SAMD13: variants seen among roughly 807,000 people sequenced by gnomAD.
SAMD13 encodes the protein sterile alpha motif domain-containing protein 13.
Under a neutral mutation model 12.4 loss-of-function variants are expected in SAMD13, and 9 were observed. The observed-to-expected ratio is 0.72, with a 90% CI of 0.44 to 1.26. The LOEUF (loss-of-function observed/expected upper bound fraction) is 1.26, where lower values mean the gene tolerates loss of function less well. Among genes scored for constraint, SAMD13 ranks in the 50% most tolerant of loss-of-function variants. The pLI, the probability that SAMD13 is intolerant of heterozygous loss-of-function variation, is 0.00. For synonymous variants in SAMD13, 46 were observed against 45.4 expected (o/e 1.01, Z -0.05); for missense variants, 84 against 119.6 (o/e 0.70, Z 1.39).
At chr1:84,338,875 G>A (rs879741252) in intron 3 of SAMD13, among the ~76,000 whole-genome samples, 2 of 152,184 alleles carry the variant, frequency 1.3e-5, no homozygotes, top group Admixed American at 1.3e-4. Flanking sequence ...TTCAAGACGA[G>A]ATCTGGGTGG....
upstream of SAMD13, among the ~76,000 whole-genome samples, chr1:84,299,196 CTT>C (rs935668216): frequency 6.6e-6 from 1 of 152,144 alleles, no homozygotes; most frequent in Non-Finnish European, 1.5e-5. Flanking sequence ...CCGGCGGCTC[CTT>C]TGGGACCGCG....
At chr1:84,321,835 G>A (rs967194323) in intron 2 of SAMD13, among the ~76,000 whole-genome samples, 4 of 152,122 alleles carry the variant, frequency 2.6e-5, no homozygotes, top group Admixed American at 6.6e-5. Context: ...CGCTTGTTAT[G>A]TTATTTTGGA....
intron 2 of SAMD13, among the ~76,000 whole-genome samples, chr1:84,304,544 T>G (rs1678525204): frequency 6.6e-6 from 1 of 152,198 alleles, no homozygotes; most frequent in Admixed American, 6.5e-5. Flanking sequence ...AAATTGCATG[T>G]GTGTAAAGTA....
upstream of SAMD13, among the ~76,000 whole-genome samples, chr1:84,300,245 C>T (rs143487805): frequency 3.3e-5 from 5 of 152,288 alleles, no homozygotes; most frequent in African/African-American, 7.2e-5. Context: ...GACCCATGCT[C>T]AAAAAATACT....
At chr1:84,312,824 A>T (rs554483993) in intron 2 of SAMD13, among the ~76,000 whole-genome samples, 89 of 152,310 alleles carry the variant, frequency 5.8e-4, no homozygotes, top group African/African-American at 2.1e-3. Context: ...TCAAATGCTC[A>T]GTGGACACAT....
In SAMD13 at chr1:84,319,512, G is replaced by T. The variant is rs1192644887; in HGVS notation, c.54-6125G>T. ...TCAGGCATGGTGGCATGCTGTAGCT[G>T]TAGTCCCAGCTACTTGGGAGACTGA... On this transcript the variant is annotated intron_variant, in intron 2 of 3. Coordinates refer to ENST00000394834, the MANE Select transcript of SAMD13 (RefSeq NM_001134663.2). 2.6e-5 allele frequency among the ~76,000 whole-genome samples: 4 copies of T among 151,796 alleles called. No homozygotes were observed. In the East Asian group the frequency reaches 7.8e-4, roughly 29 times the overall value.
upstream of SAMD13, chr1:84,298,595 C>T (rs778417266): frequency 7.8e-7 from 1 of 1,282,866 alleles, no homozygotes; most frequent in African/African-American, 1.5e-5. Context: ...GCGCCCAGGG[C>T]GTGGGAAGGC....
intron 3 of SAMD13, among the ~76,000 whole-genome samples, chr1:84,334,174 A>G (rs1023623754): frequency 2.0e-5 from 3 of 152,016 alleles, no homozygotes; most frequent in Non-Finnish European, 2.9e-5. Context: ...CTGTAAATCC[A>G]TCTGGTCCTG....
At chr1:84,347,803 T>TGTC (rs746764312) in intron 3 of SAMD13, among the ~76,000 whole-genome samples, 16 of 152,330 alleles carry the variant, frequency 1.1e-4, no homozygotes, top group Admixed American at 2.0e-4. Context: ...CTCTCAGACA[T>TGTC]GCAGGTTTCA....
At chr1:84,324,867 T>C (rs1467515181) in intron 2 of SAMD13, among the ~76,000 whole-genome samples, 1 of 152,200 alleles carries the variant, frequency 6.6e-6, no homozygotes, top group Non-Finnish European at 1.5e-5. Context: ...AGACAAATGC[T>C]TGATTGTTAT....
intron 2 of SAMD13, among the ~76,000 whole-genome samples, chr1:84,308,142 A>C (rs77963812): frequency 0.01 from 1,549 of 152,294 alleles, 24 homozygotes; most frequent in Non-Finnish European, 0.018. Context: ...CTTGTGTACC[A>C]TTGCCTCATA....
chr1:84,330,364 T>G (rs1679153036), intron 3 of SAMD13, among the ~76,000 whole-genome samples: 1 of 152,198 alleles, frequency 6.6e-6, no homozygotes, highest in Non-Finnish European at 1.5e-5. Flanking sequence ...GAATAGATAT[T>G]TTGTTTTTAA....
At chr1:84,341,710 G>T (rs938619128) in intron 3 of SAMD13, among the ~76,000 whole-genome samples, 1 of 152,102 alleles carries the variant, frequency 6.6e-6, no homozygotes, top group Non-Finnish European at 1.5e-5. Context: ...AGAAAGTGGA[G>T]TTGACATAAA....
At chr1:84,312,840 T>C (rs1330985927) in intron 2 of SAMD13, among the ~76,000 whole-genome samples, 1 of 152,190 alleles carries the variant, frequency 6.6e-6, no homozygotes, top group African/African-American at 2.4e-5. Flanking sequence ...CACATGGTAC[T>C]AGCTGCTACC....
chr1:84,298,728 G>A (rs1678370001), upstream of SAMD13, among the ~76,000 whole-genome samples: 1 of 152,162 alleles, frequency 6.6e-6, no homozygotes, highest in Non-Finnish European at 1.5e-5. Flanking sequence ...TTGCACCCAC[G>A]GACGTGGGCT....
At chr1:84,324,705 G>A (rs1301124192) in intron 2 of SAMD13, among the ~76,000 whole-genome samples, 1 of 152,110 alleles carries the variant, frequency 6.6e-6, no homozygotes, top group East Asian at 1.9e-4. Flanking sequence ...AAATCATCTT[G>A]GATGAGGTAT....
At chr1:84,303,523 C>T in intron 2 of SAMD13, 1 of 360,604 alleles carries the variant, frequency 2.8e-6, no homozygotes, top group Non-Finnish European at 5.3e-6. Flanking sequence ...GTGTATCAGG[C>T]TTTGGAACAA....
At chr1:84,300,401 T>G (rs953192748), upstream of SAMD13, among the ~76,000 whole-genome samples, 4 of 152,156 alleles carry the variant, frequency 2.6e-5, no homozygotes, top group Non-Finnish European at 5.9e-5. Flanking sequence ...AAAGAACAAA[T>G]TTTTTGACCT....
chr1:84,327,659 A>T (rs571735895), intron 3 of SAMD13, among the ~76,000 whole-genome samples: 1 of 148,680 alleles, frequency 6.7e-6, no homozygotes, highest in Non-Finnish European at 1.5e-5. Flanking sequence ...TAAAAACAGA[A>T]GTGTTTAGGG....
Sources: allele counts gnomAD v4.1 joint callset (sites outside exome capture counted in the v4.1 genomes callset), GRCh38; gene constraint gnomAD v4.1.1; transcripts MANE v1.5; gene names NCBI Gene and HGNC (gene_info 2026-07-23, HGNC 2026-07-21).